Variants in KCNS3 observed in about 807,000 individuals in gnomAD.
KCNS3 encodes potassium voltage-gated channel modifier subfamily S member 3, also known as delayed-rectifier potassium channel regulatory subunit KCNS3.
KCNS3 carries 13 observed loss-of-function variants against 31.0 expected under a neutral mutation model. The ratio of observed to expected loss-of-function variants is 0.42; its 90% CI spans 0.27 to 0.67. KCNS3 has a LOEUF of 0.67. Ranked by LOEUF, KCNS3 falls within the 30% of genes least tolerant of loss-of-function variation. The pLI, the probability that KCNS3 is intolerant of heterozygous loss-of-function variation, is 0.25. For missense variants in KCNS3, 545 were observed against 622.4 expected (o/e 0.88, Z 1.32); for synonymous variants, 238 against 241.5 (o/e 0.99, Z 0.13).
intron 1 of KCNS3, among the ~76,000 whole-genome samples, chr2:17,887,477 A>G (rs1211668378): frequency 1.3e-5 from 2 of 150,108 alleles, no homozygotes; most frequent in Non-Finnish European, 3.0e-5. Context: ...GTTGTATTCT[A>G]TCATATGATC....
At chr2:17,901,301 A>G (rs2125239904) in intron 1 of KCNS3, among the ~76,000 whole-genome samples, 1 of 151,984 alleles carries the variant, frequency 6.6e-6, no homozygotes, top group Non-Finnish European at 1.5e-5. Context: ...AATACCGAGT[A>G]TCTGGATTAA....
At chr2:17,897,464 A>G (rs755821395) in intron 1 of KCNS3, among the ~76,000 whole-genome samples, 3 of 152,208 alleles carry the variant, frequency 2.0e-5, no homozygotes, top group South Asian at 2.1e-4. Flanking sequence ...GAAATCTCCA[A>G]TCTGCTTTCC....
At chr2:17,929,631 A>G (rs2125255122) in intron 2 of KCNS3, among the ~76,000 whole-genome samples, 1 of 152,348 alleles carries the variant, frequency 6.6e-6, no homozygotes, top group South Asian at 2.1e-4. Flanking sequence ...TGAGCTGCAT[A>G]TAACCTCTGC....
chr2:17,892,614 T>C (rs1387776235), intron 1 of KCNS3, among the ~76,000 whole-genome samples: 2 of 152,204 alleles, frequency 1.3e-5, no homozygotes, highest in East Asian at 1.9e-4. Flanking sequence ...GATTCTTTTG[T>C]CCCACTGGGT....
intron 2 of KCNS3, among the ~76,000 whole-genome samples, chr2:17,921,865 C>T (rs1403490989): frequency 1.4e-5 from 2 of 140,376 alleles, no homozygotes; most frequent in East Asian, 4.1e-4. Context: ...AGAGCCAGAC[C>T]ATATCAGTTT....
At chr2:17,913,155 A>G (rs1662512531) in intron 1 of KCNS3, among the ~76,000 whole-genome samples, 1 of 152,118 alleles carries the variant, frequency 6.6e-6, no homozygotes, top group Non-Finnish European at 1.5e-5. Flanking sequence ...ACTGGGTGAC[A>G]GTTTTCAATA....
At chr2:17,906,290 T>G (rs1393695200) in intron 1 of KCNS3, among the ~76,000 whole-genome samples, 1 of 152,264 alleles carries the variant, frequency 6.6e-6, no homozygotes. Flanking sequence ...TGTATTTCTG[T>G]GGGATCGGTG....
intron 1 of KCNS3, among the ~76,000 whole-genome samples, chr2:17,884,352 A>G (rs2125231202): frequency 6.8e-6 from 1 of 147,310 alleles, no homozygotes; most frequent in Non-Finnish European, 1.5e-5. Flanking sequence ...CCTTTAGGTC[A>G]AGTTCAAGGT....
In KCNS3 at chr2:17,931,413, G is replaced by GAA. The variant is rs1420014970; in HGVS notation, c.408_409dup (p.Ser137LysfsTer5). 1.9e-6 allele frequency: 3 copies of GAA among 1,614,186 alleles called. No homozygotes were observed. The Admixed American group carries it at 5.0e-5, about 27-fold the overall frequency. ...AAAACCACGAGAAGGACTGGGACCA[G>GAA]AAAAGCCATGATGTGAGTACCGACT... On this transcript the variant is annotated frameshift_variant, in exon 3 of 3. Transcript: ENST00000304101. LOFTEE classifies it high-confidence loss of function. The surrounding 1 kb of genome is among the most constrained non-coding windows in gnomAD (Gnocchi z 5.4).
intron 1 of KCNS3, among the ~76,000 whole-genome samples, chr2:17,908,873 G>A (rs573289180): frequency 1.2e-4 from 18 of 152,198 alleles, no homozygotes; most frequent in Non-Finnish European, 2.4e-4. Context: ...TGCCCCTACT[G>A]GGGGGTGCCT....
At chr2:17,909,560 G>T (rs1662423245) in intron 1 of KCNS3, among the ~76,000 whole-genome samples, 1 of 152,174 alleles carries the variant, frequency 6.6e-6, no homozygotes, top group Non-Finnish European at 1.5e-5. Flanking sequence ...CATGCTGGGA[G>T]CTGTAGACCG....
Position 17,908,793 on chromosome 2 carries a change from ATGT to A in KCNS3, c.-251-8884_-251-8882del, listed in dbSNP as rs1359605302. ...AACAGCGAATATTGCTGAACAGCAA[ATGT>A]TGCTGCCTGATCGTTCCTCTGGAAG... On this transcript the variant is annotated intron_variant, in intron 1 of 2. Transcript: ENST00000304101. 2.0e-5 allele frequency among the ~76,000 whole-genome samples: 3 copies of A among 152,308 alleles called. No homozygotes were observed. The East Asian group carries it at 5.8e-4, about 29-fold the overall frequency.
At chr2:17,915,228 A>G (rs1662561101) in intron 1 of KCNS3, among the ~76,000 whole-genome samples, 1 of 152,222 alleles carries the variant, frequency 6.6e-6, no homozygotes, top group East Asian at 1.9e-4. Context: ...TGTGTTTTCC[A>G]GGATCGGGCT....
At chr2:17,908,457 A>C (rs914562127) in intron 1 of KCNS3, among the ~76,000 whole-genome samples, 3 of 151,846 alleles carry the variant, frequency 2.0e-5, no homozygotes, top group Non-Finnish European at 4.4e-5. Flanking sequence ...TCTTTTCTCA[A>C]CTCGTCAAAG....
At chr2:17,895,087 G>T (rs1661991568) in intron 1 of KCNS3, among the ~76,000 whole-genome samples, 1 of 152,142 alleles carries the variant, frequency 6.6e-6, no homozygotes, top group South Asian at 2.1e-4. Context: ...ATCCTCCCAG[G>T]ATAGTTTTCA....
intron 1 of KCNS3, among the ~76,000 whole-genome samples, chr2:17,906,842 G>A (rs145032523): frequency 0.015 from 2,300 of 152,266 alleles, 38 homozygotes; most frequent in Middle Eastern, 0.062. Flanking sequence ...TATAATTTCT[G>A]TTCTCTTACA....
At chr2:17,892,825 T>C (rs1414965493) in intron 1 of KCNS3, among the ~76,000 whole-genome samples, 1 of 152,210 alleles carries the variant, frequency 6.6e-6, no homozygotes, top group African/African-American at 2.4e-5. Flanking sequence ...CAGTGCCTGT[T>C]GCAGTGGAGG....
intron 2 of KCNS3, among the ~76,000 whole-genome samples, chr2:17,927,130 A>G (rs1662856711): frequency 6.6e-6 from 1 of 152,214 alleles, no homozygotes; most frequent in African/African-American, 2.4e-5. Context: ...ACAGATCTCT[A>G]CAGCAGGGGG....
chr2:17,883,646 A>C (rs1674693428), intron 1 of KCNS3, among the ~76,000 whole-genome samples: 1 of 152,200 alleles, frequency 6.6e-6, no homozygotes. Context: ...ATTCTAAGGC[A>C]GGAATGAGCA....
Sources: allele counts gnomAD v4.1 joint callset (sites outside exome capture counted in the v4.1 genomes callset), GRCh38; gene constraint gnomAD v4.1.1; non-coding constraint Gnocchi (gnomAD v3.1); transcripts MANE v1.5; gene names NCBI Gene and HGNC (gene_info 2026-07-23, HGNC 2026-07-21).